REPS2: variants seen among roughly 807,000 people sequenced by gnomAD.
REPS2 encodes RALBP1 associated Eps domain containing 2.
Under a neutral mutation model 53.6 loss-of-function variants are expected in REPS2, and 23 were observed. That is an observed-to-expected ratio of 0.43 (90% CI 0.31 to 0.61). REPS2 has a LOEUF of 0.61. Ranked by LOEUF, REPS2 falls within the 20% of genes least tolerant of loss-of-function variation. The probability of loss-of-function intolerance (pLI) is 0.11; values close to 1 mark genes in which losing one functional copy is unlikely to be tolerated. For synonymous variants in REPS2, 238 were observed against 218.6 expected (o/e 1.09, Z -0.78); for missense variants, 446 against 534.9 (o/e 0.83, Z 1.64).
At chrX:16,968,167 C>T (rs1003216336) in intron 1 of REPS2, among the ~76,000 whole-genome samples, 1 of 111,372 alleles carries the variant, frequency 9.0e-6, no homozygotes, top group African/African-American at 3.3e-5. Context: ...GGTAAGGTCA[C>T]AGATCAACAG....
At chrX:16,969,800 G>C (rs2147688499) in intron 1 of REPS2, among the ~76,000 whole-genome samples, 1 of 101,329 alleles carries the variant, frequency 9.9e-6, no homozygotes, top group East Asian at 3.6e-4. Flanking sequence ...GAGGGAGAGA[G>C]GGAGAGGGAG....
At chrX:16,961,743 A>G (rs2060664362) in intron 1 of REPS2, among the ~76,000 whole-genome samples, 1 of 112,209 alleles carries the variant, frequency 8.9e-6, no homozygotes, top group Admixed American at 9.5e-5. Flanking sequence ...ACCCATATAT[A>G]TGATAAGGAG....
Position 16,946,738 on chromosome X carries a change from TGGCGGCGGCGGTGGTGGCGGCGGCGGC to T in REPS2, c.-114_-88del. 20 of 692,552 alleles carry T rather than the reference TGGCGGCGGCGGTGGTGGCGGCGGCGGC, an allele frequency of 2.9e-5. No individual in the cohort carries two copies. Among genetic ancestry groups the T allele is most frequent in the Non-Finnish European group, 3.4e-5 (20 of 594,199 alleles). 57.1% of individuals were successfully genotyped at this position (692,552 alleles called of 1,213,427 possible). Reference sequence around the variant, plus strand: ...CAGCTGCGGGGCGTGGGGGTGGTGGTGGCGGCGGCGGTGGTGGCGGCGGCGGCGGCGGCGGCAGCTGAGGCCGAGGAG... The same window carrying T: ...CAGCTGCGGGGCGTGGGGGTGGTGGTGGCGGCGGCAGCTGAGGCCGAGGAG... On this transcript the variant is annotated 5_prime_UTR_variant, in exon 1 of 18. Transcript: ENST00000357277.
intron 17 of REPS2, among the ~76,000 whole-genome samples, chrX:17,146,901 C>T (rs771005048): frequency 8.9e-6 from 1 of 111,916 alleles, no homozygotes; most frequent in South Asian, 3.7e-4. Flanking sequence ...GATGTTGTAC[C>T]TTACACCATA....
At chrX:17,159,355 C>G in the REPS2 span, among the ~76,000 whole-genome samples, 1 of 111,713 alleles carries the variant, frequency 9.0e-6, no homozygotes, top group Non-Finnish European at 1.9e-5. Context: ...TAGTCTCTTT[C>G]CTTCTTCCAA....
chrX:17,168,203 G>C, the REPS2 span, among the ~76,000 whole-genome samples: 9 of 111,469 alleles, frequency 8.1e-5, no homozygotes, highest in African/African-American at 2.9e-4. Context: ...TTACTGTTCA[G>C]TGGGGTAACT....
At chrX:17,027,463 G>A (rs1205972522) in intron 4 of REPS2, among the ~76,000 whole-genome samples, 1 of 111,571 alleles carries the variant, frequency 9.0e-6, no homozygotes, top group East Asian at 2.8e-4. Context: ...CCTGGTGCTG[G>A]ACATTTGAGT....
Position 17,153,072 on chromosome X carries a change from T to G in REPS2, c.*5591T>G, listed in dbSNP as rs1362707750. ...CAGAGTCTCATTCATTTGCTAAGCA[T>G]TGGGAACATTATGTATATTGACCTT... On this transcript the variant is annotated 3_prime_UTR_variant, in exon 18 of 18. Transcript: ENST00000357277. 8.9e-6 allele frequency: 1 copy of G among 112,707 alleles called. No individual in the cohort carries two copies. Among genetic ancestry groups the G allele is most frequent in the Admixed American group, 9.4e-5 (1 of 10,618 alleles). The allele number at this position is 112,707 out of a possible 1,213,427, so 9.3% of individuals were successfully genotyped here. A position where few individuals can be genotyped will look rare whatever the true frequency, so the allele number is the denominator to read the frequency against.
chrX:16,991,617 T>G (rs370554110), intron 1 of REPS2, among the ~76,000 whole-genome samples: 321 of 111,352 alleles, frequency 2.9e-3, no homozygotes, highest in African/African-American at 9.9e-3. Context: ...CAGATATAAT[T>G]AATTTCAGGT....
intron 5 of REPS2, among the ~76,000 whole-genome samples, chrX:17,039,127 C>T (rs751924723): frequency 1.5e-4 from 17 of 111,791 alleles, no homozygotes; most frequent in South Asian, 1.1e-3. Flanking sequence ...GGGGTGGGAA[C>T]GTCATCGCTT....
At chrX:17,010,303 A>G (rs1485752163) in intron 2 of REPS2, among the ~76,000 whole-genome samples, 2 of 112,398 alleles carry the variant, frequency 1.8e-5, no homozygotes, top group African/African-American at 6.5e-5. Flanking sequence ...AGATGAAAGT[A>G]TTTGCATTGC....
intron 2 of REPS2, among the ~76,000 whole-genome samples, chrX:17,007,924 G>C (rs765590766): frequency 2.7e-5 from 3 of 112,415 alleles, no homozygotes; most frequent in Non-Finnish European, 3.8e-5. Context: ...AGAATTTGGA[G>C]CCAGGATCTA....
chrX:17,019,415 T>C (rs781232510), intron 2 of REPS2, among the ~76,000 whole-genome samples: 77 of 112,155 alleles, frequency 6.9e-4, no homozygotes, highest in Admixed American at 6.6e-3. Flanking sequence ...GGAGACAAGA[T>C]TCTAACCAAT....
chrX:17,125,716 A>G (rs1015499161), intron 14 of REPS2, among the ~76,000 whole-genome samples: 1 of 112,854 alleles, frequency 8.9e-6, no homozygotes, highest in Non-Finnish European at 1.9e-5. Flanking sequence ...GAACTAACCC[A>G]GTTATGTTGC....
At chrX:17,045,757 G>A (rs1309129587) in intron 5 of REPS2, among the ~76,000 whole-genome samples, 10 of 110,247 alleles carry the variant, frequency 9.1e-5, no homozygotes, top group Middle Eastern at 4.7e-3. Flanking sequence ...TCTACAGTTA[G>A]TATTTCATCT....
In REPS2 at chrX:17,150,539, A is replaced by T. The variant is rs1210263379; in HGVS notation, c.*3058A>T. 3 of 113,099 alleles carry T rather than the reference A, an allele frequency of 2.7e-5. No homozygotes were observed. The highest frequency in any genetic ancestry group is 5.6e-5 in the Non-Finnish European group (3 of 53,432). 9.3% of individuals were successfully genotyped at this position (113,099 alleles called of 1,213,427 possible). ...ATCTGGAATGAATGTATATGTTGTAATTGAGGCAGATATTTGCCTTAATTG... is the reference window on the plus strand; with the variant it reads ...ATCTGGAATGAATGTATATGTTGTATTTGAGGCAGATATTTGCCTTAATTG... On this transcript the variant is annotated 3_prime_UTR_variant, in exon 18 of 18. Coordinates refer to ENST00000357277, the MANE Select transcript of REPS2 (RefSeq NM_004726.3).
intron 13 of REPS2, among the ~76,000 whole-genome samples, chrX:17,093,199 T>TATATATATATATATATATAA (rs2062646876): frequency 2.9e-4 from 3 of 10,406 alleles, no homozygotes; most frequent in African/African-American, 1.0e-3. Flanking sequence ...TATATATATA[T>TATATATATATATATATATAA]AATTTTTTTT....
At chrX:17,036,351 A>C (rs1602749067) in intron 5 of REPS2, among the ~76,000 whole-genome samples, 1 of 112,620 alleles carries the variant, frequency 8.9e-6, no homozygotes, top group East Asian at 2.8e-4. Flanking sequence ...AAATATCTTA[A>C]GTTTATGAGT....
At position 17,135,367 on chromosome X, in the gene REPS2, C is replaced by T. The variant is rs368740050; in HGVS notation, c.1769C>T (p.Ala590Val). ...CCTTCCACTGCTGCAAGTGGGCCAG[C>T]TTCTGCGGCAACCATGAAACCGCAT... ...QEPSTAASGP[A>V]SAATMKPHPT... Residue 590 changes from alanine to valine, a missense_variant, in exon 16 of 18, where the codon GCT (alanine) becomes GTT (valine). Physicochemically the swap from Ala to Val is moderately conservative, Grantham distance 64. Coordinates refer to ENST00000357277, the MANE Select transcript of REPS2 (RefSeq NM_004726.3). 14 of 1,209,724 alleles carry T rather than the reference C, an allele frequency of 1.2e-5. No individual in the cohort carries two copies. Among genetic ancestry groups the T allele is most frequent in the African/African-American group, 1.7e-5 (1 of 57,165 alleles).
Sources: allele counts gnomAD v4.1 joint callset (sites outside exome capture counted in the v4.1 genomes callset), GRCh38; gene constraint gnomAD v4.1.1; transcripts MANE v1.5; gene names NCBI Gene and HGNC (gene_info 2026-07-23, HGNC 2026-07-21).